The following RNASET2 variants were observed in gnomAD, a reference collection of about 807,000 sequenced individuals.
The protein encoded by RNASET2 is ribonuclease T2.
RNASET2 carries 28 observed loss-of-function variants against 33.9 expected under a neutral mutation model. That is an observed-to-expected ratio of 0.83 (90% CI 0.61 to 1.13). RNASET2 has a LOEUF of 1.13. Ranked by LOEUF, RNASET2 falls within the 50% of genes most tolerant of loss-of-function variation. The pLI, the probability that RNASET2 is intolerant of heterozygous loss-of-function variation, is 0.00. For missense variants in RNASET2, 330 were observed against 319.9 expected, an observed-to-expected ratio of 1.03 and a Z score of -0.24; for synonymous variants, 123 against 121.0, an observed-to-expected ratio of 1.02 and a Z score of -0.11.
At chr6:166,955,394 C>G in intron 1 of RNASET2, 2 of 298,236 alleles carry the variant, frequency 6.7e-6, no homozygotes, top group Non-Finnish European at 7.6e-6. Flanking sequence ...CACACACACA[C>G]GCGCACACAC....
At chr6:166,952,610 T>TCCAC in intron 1 of RNASET2, 62 bp from the exon 2 acceptor site, 1 of 1,257,994 alleles carries the variant, frequency 7.9e-7, no homozygotes, top group Admixed American at 1.7e-5. Flanking sequence ...AAAAAATTCA[T>TCCAC]CCACCCATCC....
At chr6:166,938,534 C>T (rs368821555) in intron 6 of RNASET2, 9 of 540,976 alleles carry the variant, frequency 1.7e-5, no homozygotes, top group South Asian at 2.8e-5. Context: ...CCAGAGTTTC[C>T]GTCTTTCTAA....
At chr6:166,942,956 T>A in intron 5 of RNASET2, 63 bp downstream of exon 5, 4 of 1,334,810 alleles carry the variant, frequency 3.0e-6, no homozygotes, top group Non-Finnish European at 4.3e-6. Context: ...TTCTAGCGAT[T>A]CATCACGCTC....
Position 166,936,350 on chromosome 6 carries a change from C to CGTGTGT in RNASET2, c.447-2220_447-2215dup, listed in dbSNP as rs56962763. 5.1e-3 allele frequency among the ~76,000 whole-genome samples: 756 copies of CGTGTGT among 149,476 alleles called. 9 individuals are homozygous for CGTGTGT. Among genetic ancestry groups the CGTGTGT allele is most frequent in the African/African-American group, 0.012 (499 of 40,784 alleles). Reference sequence around the variant, plus strand: ...CCAGGACTTAGAGTTTTGCATGTGTCGTGTGTGTGTGTGTGTGTGTGTGTC... The same window carrying CGTGTGT: ...CCAGGACTTAGAGTTTTGCATGTGTCGTGTGTGTGTGTGTGTGTGTGTGTGTGTGTC... On this transcript the variant is annotated intron_variant, in intron 6 of 8. Transcript: ENST00000508775.
chr6:166,955,319 A>G (rs1261025358), intron 1 of RNASET2, among the ~76,000 whole-genome samples: 16 of 64,558 alleles, frequency 2.5e-4, no homozygotes, highest in African/African-American at 9.8e-4. Context: ...ACACACACGC[A>G]CACACACGCA....
intron 6 of RNASET2, chr6:166,938,595 C>T (rs368227515): frequency 6.5e-5 from 42 of 650,730 alleles, no homozygotes; most frequent in East Asian, 1.0e-4. Context: ...TGGCTGAGAA[C>T]GGCACATGCT....
intron 1 of RNASET2, chr6:166,955,556 G>T (rs1779143566): frequency 2.0e-6 from 2 of 986,876 alleles, no homozygotes; most frequent in Non-Finnish European, 2.4e-6. Flanking sequence ...ACCTCTGAGA[G>T]AACTTCGAGT....
rs566493548 is a variant in RNASET2, at chr6:166,925,535, G to A, written c.*4053C>T. 1.5e-3 allele frequency among the ~76,000 whole-genome samples: 225 copies of A among 151,360 alleles called. No homozygotes were observed. The highest frequency in any genetic ancestry group is 5.1e-3 in the African/African-American group (212 of 41,204). ...CCCCGGTCCAGCCCTTGCCTCCCCCGTCCAGCCCTCACCTCCATCATGCAG... is the reference window on the plus strand; with the variant it reads ...CCCCGGTCCAGCCCTTGCCTCCCCCATCCAGCCCTCACCTCCATCATGCAG... On this transcript the variant is annotated 3_prime_UTR_variant, in exon 9 of 9. Coordinates refer to ENST00000508775, the MANE Select transcript of RNASET2 (RefSeq NM_003730.6).
At chr6:166,946,917 C>A in intron 3 of RNASET2, 178 bp from the exon 4 acceptor site, 1 of 669,642 alleles carries the variant, frequency 1.5e-6, no homozygotes. Context: ...TAAGAGGAGT[C>A]AGAGTTCAAA....
At chr6:166,934,356 G>A (rs1190812838) in intron 6 of RNASET2, 3 of 562,592 alleles carry the variant, frequency 5.3e-6, no homozygotes, top group Non-Finnish European at 9.5e-6. Flanking sequence ...GCTCCAGGCA[G>A]GTACCCTTTC....
In RNASET2 at chr6:166,924,900, G is replaced by A. The variant is rs765895958; in HGVS notation, c.*4688C>T. 2.0e-5 allele frequency among the ~76,000 whole-genome samples: 3 copies of A among 152,144 alleles called. No individual in the cohort carries two copies. The highest frequency in any genetic ancestry group is 6.5e-5 in the Admixed American group (1 of 15,284). ...ATGTCCCAGTGCCTAGAAGAGAGGC[G>A]GCTCATAGGAAGGGTTGAAAAAAGT... On this transcript the variant is annotated 3_prime_UTR_variant, in exon 9 of 9. Transcript: ENST00000508775.
intron 1 of RNASET2, among the ~76,000 whole-genome samples, chr6:166,955,280 CG>C (rs1179816993): frequency 5.0e-3 from 376 of 74,946 alleles, no homozygotes; most frequent in African/African-American, 0.026. Flanking sequence ...CGCGCACACA[CG>C]ACACACACGC....
intron 6 of RNASET2, 173 bp downstream of exon 6, chr6:166,938,722 C>T: frequency 2.6e-6 from 2 of 771,776 alleles, no homozygotes; most frequent in South Asian, 2.7e-5. Context: ...TCTGGAAAGG[C>T]TTGGTAGGCT....
At chr6:166,955,281 GA>G (rs1321623261) in intron 1 of RNASET2, among the ~76,000 whole-genome samples, 2,205 of 69,240 alleles carry the variant, frequency 0.032, 27 homozygotes, top group Middle Eastern at 0.052. Context: ...GCGCACACAC[GA>G]CACACACGCA....
Position 166,956,137 on chromosome 6 carries a change from G to T in RNASET2, c.46C>A (p.Leu16Met). The change falls in exon 1 of 9, where the codon CTG becomes ATG. Residue 16 changes from leucine to methionine, a missense_variant. Physicochemically the swap from Leu to Met is conservative, Grantham distance 15 (BLOSUM62 2). Coordinates refer to ENST00000508775, the MANE Select transcript of RNASET2 (RefSeq NM_003730.6). ...GCACCGCCCAGGCAAAGCAACGCCA[G>T]GCAGAGGCAGCCCAGCAGGGCCCCG... ...LRGALLGCLCLALLCLGGADK... is the reference protein window; with the variant it reads ...LRGALLGCLCMALLCLGGADK... 6.4e-7 allele frequency: 1 copy of T among 1,551,658 alleles called. No homozygotes were observed. Among genetic ancestry groups the T allele is most frequent in the Non-Finnish European group, 8.7e-7 (1 of 1,147,096 alleles).
intron 4 of RNASET2, chr6:166,943,876 C>T (rs1000687677): frequency 7.6e-5 from 29 of 380,224 alleles, no homozygotes; most frequent in Non-Finnish European, 1.5e-4. Context: ...AATCCCAGCA[C>T]TTTCGGAGGC....
At chr6:166,931,778 A>G (rs112117093) in intron 7 of RNASET2, 1 of 156,036 alleles carries the variant, frequency 6.4e-6, no homozygotes, top group Non-Finnish European at 1.4e-5. Flanking sequence ...GGGGGCACCA[A>G]GCTGGGGTCA....
intron 4 of RNASET2, chr6:166,943,894 G>A (rs1443371664): frequency 2.9e-6 from 1 of 345,228 alleles, no homozygotes; most frequent in Non-Finnish European, 6.1e-6. Flanking sequence ...GGCCGATGCG[G>A]GCGGATCACG....
intron 7 of RNASET2, 51 bp from the exon 8 acceptor site, chr6:166,931,169 T>C: frequency 1.5e-6 from 2 of 1,302,468 alleles, no homozygotes; most frequent in South Asian, 1.2e-5. Context: ...AGAAAAGATC[T>C]GACAGTTCTG....
Sources: gnomAD v4.1 joint callset for allele counts (sites outside exome capture counted in the v4.1 genomes callset) on GRCh38, gnomAD v4.1.1 for gene constraint, MANE v1.5 for transcripts, NCBI Gene and HGNC (gene_info 2026-07-23, HGNC 2026-07-21) for gene names.